The following DYSF variants were observed in gnomAD, a reference collection of about 807,000 sequenced individuals.
DYSF encodes the protein dysferlin.
In DYSF, 212 loss-of-function variants were observed where a neutral mutation model predicts 274.9. That is an observed-to-expected ratio of 0.77 (90% CI 0.69 to 0.86). The LOEUF (loss-of-function observed/expected upper bound fraction) is 0.86. Ranked by LOEUF, DYSF falls within the 40% of genes least tolerant of loss-of-function variation. The probability of loss-of-function intolerance (pLI) is 0.00; values close to 1 mark genes in which losing one functional copy is unlikely to be tolerated. For synonymous variants in DYSF, 1,091 were observed against 1,078.7 expected (o/e 1.01, Z -0.22); for missense variants, 2,666 against 2,783.2 (o/e 0.96, Z 0.95).
chr2:71,554,045 C>T, intron 21 of DYSF, 114 bp downstream of exon 21: 1 of 1,508,248 alleles, frequency 6.6e-7, no homozygotes, highest in Admixed American at 1.7e-5. Flanking sequence ...CACGGCTGTG[C>T]CTACTGACCT....
chr2:71,667,564 C>G (rs766291660), intron 48 of DYSF, 49 bp downstream of exon 48: 121 of 1,611,388 alleles, frequency 7.5e-5, no homozygotes, highest in Non-Finnish European at 1.0e-4. Flanking sequence ...CCAGAAAGCC[C>G]CAACCCCAGG....
chr2:71,650,686 G>T (rs755893846), intron 42 of DYSF, among the ~76,000 whole-genome samples: 4 of 152,072 alleles, frequency 2.6e-5, no homozygotes, highest in Non-Finnish European at 5.9e-5. Context: ...TTTTCTGATT[G>T]TAATGCAATA....
At chr2:71,681,781 C>A (rs2095299176) in intron 54 of DYSF, among the ~76,000 whole-genome samples, 1 of 152,216 alleles carries the variant, frequency 6.6e-6, no homozygotes, top group Non-Finnish European at 1.5e-5. Flanking sequence ...GATCCCGCCC[C>A]ACCAGCCTAC....
At chr2:71,640,389 A>G (rs1421922565) in intron 41 of DYSF, among the ~76,000 whole-genome samples, 1 of 152,202 alleles carries the variant, frequency 6.6e-6, no homozygotes. Flanking sequence ...TGTTTTGCAT[A>G]TTATAAACTA....
chr2:71,503,255 C>T lies in DYSF; in HGVS notation c.281C>T (p.Ala94Val). The change falls in exon 4 of 56, where the codon GCC becomes GTC. Residue 94 changes from alanine (A) to valine (V), a missense_variant. Transcript: ENST00000410020. The part of the protein sequence containing the change: ...EAKVPLREVL[A>V]TPSLSASFNA... The stretch of plus-strand genomic sequence containing the variant: ...AAGGTCCCACTCCGAGAGGTCCTCG[C>T]CACCCCTAGTCTGTCCGCCAGCTTC... The T allele has an allele frequency of 1.9e-6, 3 of 1,614,130 alleles. No homozygotes were observed. The highest frequency in any genetic ancestry group is 2.5e-6 in the Non-Finnish European group (3 of 1,179,994).
At chr2:71,601,468 C>T (rs758633323) in intron 34 of DYSF, 31 bp from the exon 35 acceptor site, 3 of 1,614,166 alleles carry the variant, frequency 1.9e-6, no homozygotes, top group Non-Finnish European at 2.5e-6. Context: ...GTGACAAGCA[C>T]ATGACCAGAG....
In DYSF at chr2:71,667,399, C is replaced by A. The variant is rs776911222; in HGVS notation, c.5341C>A (p.His1781Asn). 6.2e-6 allele frequency: 10 copies of A among 1,614,028 alleles called. No individual in the cohort carries two copies. The highest frequency in any genetic ancestry group is 2.5e-6 in the Non-Finnish European group (3 of 1,180,050). ...EIEAGRIPNP[H>N]LGPVEERLAL... is the part of the protein sequence containing the mutation. Reference sequence around the variant, plus strand: ...AGAGGCTGGCAGGATCCCAAACCCACACCTGGGCCCAGTGGAGGAGCGTCT... The same window carrying A: ...AGAGGCTGGCAGGATCCCAAACCCAAACCTGGGCCCAGTGGAGGAGCGTCT... Residue 1781 changes from histidine to asparagine, a missense_variant, in exon 48 of 56, where the codon CAC becomes AAC. Coordinates refer to ENST00000410020, the MANE Select transcript of DYSF (RefSeq NM_001130987.2).
rs775417000 is a variant in DYSF, at chr2:71,681,007, C to T, written c.6070C>T (p.Leu2024=). The change falls in exon 54 of 56, where the codon CTG becomes TTG. Residue 2024 remains leucine (L), a synonymous_variant. Transcript: ENST00000410020. ...GTGCTCTCTGTCCCCTCAGGGCAAG[C>T]TGGAAATGACCTTGGAGATTGTAGC... ...EGEKKILAGK[L]EMTLEIVAES... The T allele has an allele frequency of 1.5e-5, 24 of 1,613,996 alleles. No homozygotes were observed. The East Asian group carries it at 4.7e-4, about 31-fold the overall frequency.
At chr2:71,472,685 C>A (rs1033769365) in intron 1 of DYSF, among the ~76,000 whole-genome samples, 1 of 152,210 alleles carries the variant, frequency 6.6e-6, no homozygotes. Flanking sequence ...GGATTACAGG[C>A]GTGAGCCACC....
intron 1 of DYSF, among the ~76,000 whole-genome samples, chr2:71,479,733 G>T (rs1424301543): frequency 1.3e-5 from 2 of 152,156 alleles, no homozygotes; most frequent in African/African-American, 4.8e-5. Flanking sequence ...ATCGTCTGGG[G>T]CACAGTGGGT....
intron 51 of DYSF, among the ~76,000 whole-genome samples, chr2:71,672,695 C>T (rs1489687228): frequency 6.6e-6 from 1 of 152,244 alleles, no homozygotes; most frequent in Non-Finnish European, 1.5e-5. Flanking sequence ...ACCTCTGGCT[C>T]ATTACCGAGC....
Position 71,669,772 on chromosome 2 carries a change from G to C in DYSF, c.5784+26G>C, listed in dbSNP as rs1216494481. ...GTCAGTGTCCTTCCGATTCCCTGTG[G>C]TGCCAGCACCAGGGCTTCTAAAGTT... On this transcript the variant is annotated intron_variant, in intron 51 of 55. Coordinates refer to ENST00000410020, the MANE Select transcript of DYSF (RefSeq NM_001130987.2). The C allele has an allele frequency of 1.9e-6, 3 of 1,613,946 alleles. No individual in the cohort carries two copies. In the Admixed American group the frequency reaches 5.0e-5, roughly 27 times the overall value.
intron 41 of DYSF, among the ~76,000 whole-genome samples, chr2:71,641,369 C>T (rs375687523): frequency 3.3e-5 from 5 of 151,674 alleles, no homozygotes; most frequent in South Asian, 2.1e-4. Context: ...TTAGTAGAGA[C>T]GGGGTTTCAC....
Position 71,600,956 on chromosome 2 carries a change from A to AT in DYSF, c.3897+118dup, listed in dbSNP as rs1490521068. On this transcript the variant is annotated intron_variant, in intron 34 of 55. Coordinates refer to ENST00000410020, the MANE Select transcript of DYSF (RefSeq NM_001130987.2). ...GAAGCCAGGCCTCCTGCTGAGACCC[A>AT]TTTTCTGAACCCTAAGTCAGGACAC... is the stretch of plus-strand genomic sequence containing the variant. The AT allele has an allele frequency of 1.4e-4, 208 of 1,436,156 alleles. 3 individuals are homozygous for AT. The South Asian group carries it at 2.3e-3, about 16-fold the overall frequency. The allele number at this position is 1,436,156 out of a possible 1,614,324, so 89.0% of individuals were successfully genotyped here.
chr2:71,519,811 GTTTTT>G (rs70959241), intron 10 of DYSF, among the ~76,000 whole-genome samples: 200 of 102,294 alleles, frequency 2.0e-3, no homozygotes, highest in Non-Finnish European at 3.2e-3. Context: ...CACCCGGCTA[GTTTTT>G]TTTTTTTTTT....
At chr2:71,682,757 C>T in intron 55 of DYSF, 80 bp downstream of exon 55, 1 of 1,542,354 alleles carries the variant, frequency 6.5e-7, no homozygotes, top group Non-Finnish European at 8.8e-7. Flanking sequence ...AAGAGCTCTC[C>T]CAGTCTAATG....
intron 52 of DYSF, among the ~76,000 whole-genome samples, chr2:71,677,303 T>G (rs1028585839): frequency 1.3e-5 from 2 of 152,188 alleles, no homozygotes; most frequent in African/African-American, 4.8e-5. Context: ...TGAAAAAAAT[T>G]GAAACACCTT....
At chr2:71,536,902 T>C (rs1356499657) in intron 16 of DYSF, among the ~76,000 whole-genome samples, 4 of 152,226 alleles carry the variant, frequency 2.6e-5, no homozygotes, top group African/African-American at 9.6e-5. Flanking sequence ...ATAGTCCATA[T>C]GGCCTTTTCT....
In DYSF at chr2:71,664,452, G is replaced by A. The variant is rs531408610; in HGVS notation, c.5174+14G>A. 8.7e-6 allele frequency: 14 copies of A among 1,613,806 alleles called. No homozygotes were observed. In the East Asian group the frequency reaches 2.9e-4, roughly 33 times the overall value. On this transcript the variant is annotated intron_variant, in intron 46 of 55. Coordinates refer to ENST00000410020, the MANE Select transcript of DYSF (RefSeq NM_001130987.2). ...GACCTACTGTGTGTACGTGGATGGG[G>A]GCTGGCTGCCTGCTTCTCTGACAAC... is the stretch of plus-strand genomic sequence containing the variant.
Sources: allele counts gnomAD v4.1 joint callset (sites outside exome capture counted in the v4.1 genomes callset), GRCh38; gene constraint gnomAD v4.1.1; transcripts MANE v1.5; gene names NCBI Gene and HGNC (gene_info 2026-07-23, HGNC 2026-07-21).